Variants in ADGRB3 observed in about 807,000 individuals in gnomAD.
ADGRB3 encodes adhesion G protein-coupled receptor B3.
A neutral mutation model predicts 193.4 loss-of-function variants in ADGRB3; 37 were observed. The ratio of observed to expected loss-of-function variants is 0.19; its 90% CI spans 0.15 to 0.25. The LOEUF is 0.25. Ranked by LOEUF, ADGRB3 falls within the 10% of genes least tolerant of loss-of-function variation. ADGRB3 has a pLI of 1.00. For missense variants in ADGRB3, 1,637 were observed against 1,852.9 expected (o/e 0.88, Z 2.14); for synonymous variants, 690 against 644.2 (o/e 1.07, Z -1.08).
chr6:69,215,598 G>T (rs1049195868), intron 17 of ADGRB3, among the ~76,000 whole-genome samples: 1 of 151,250 alleles, frequency 6.6e-6, no homozygotes, highest in Non-Finnish European at 1.5e-5. Context: ...AACCTTTTTT[G>T]CTTGAATAAA....
chr6:69,384,194 G>A (rs1053521338), intron 31 of ADGRB3, among the ~76,000 whole-genome samples: 1 of 151,916 alleles, frequency 6.6e-6, no homozygotes, highest in Admixed American at 6.6e-5. Context: ...AGAAATATAC[G>A]CTCTAACTCT....
At chr6:69,289,916 TCTTCTCAGAAGTGTGCACAG>T (rs1369800331) in intron 20 of ADGRB3, among the ~76,000 whole-genome samples, 1 of 151,954 alleles carries the variant, frequency 6.6e-6, no homozygotes, top group Non-Finnish European at 1.5e-5. Context: ...GAGAATCACC[TCTTCTCAGAAGTGTGCACAG>T]CCTCTCAGTT....
At chr6:68,684,034 A>G (rs750739626) in intron 3 of ADGRB3, among the ~76,000 whole-genome samples, 1 of 152,200 alleles carries the variant, frequency 6.6e-6, no homozygotes, top group Non-Finnish European at 1.5e-5. Context: ...TTGATATGTT[A>G]TTAAGAAAAA....
chr6:69,207,408 G>GC (rs1158628694), intron 17 of ADGRB3, among the ~76,000 whole-genome samples: 3 of 152,026 alleles, frequency 2.0e-5, no homozygotes, highest in Non-Finnish European at 2.9e-5. Context: ...AATCCAAATA[G>GC]CCCCCCTAGG....
intron 20 of ADGRB3, among the ~76,000 whole-genome samples, chr6:69,286,853 A>G (rs185630957): frequency 1.6e-4 from 24 of 152,332 alleles, no homozygotes; most frequent in Admixed American, 5.9e-4. Context: ...TTAAATTACT[A>G]TATAATTCCA....
intron 30 of ADGRB3, among the ~76,000 whole-genome samples, chr6:69,377,904 G>A (rs1247118446): frequency 6.6e-6 from 1 of 152,080 alleles, no homozygotes; most frequent in East Asian, 1.9e-4. Context: ...TCAGAATGAG[G>A]AGGCAAAGCT....
chr6:68,729,703 T>G (rs2127330723), intron 3 of ADGRB3, among the ~76,000 whole-genome samples: 1 of 151,772 alleles, frequency 6.6e-6, no homozygotes, highest in South Asian at 2.1e-4. Context: ...TTGCAATTAC[T>G]GTTGCTATTA....
chr6:69,041,573 C>A (rs1227525141), intron 13 of ADGRB3, among the ~76,000 whole-genome samples: 6 of 151,998 alleles, frequency 3.9e-5, no homozygotes, highest in African/African-American at 1.5e-4. Flanking sequence ...GTAAAATGAG[C>A]ATCTTGATAA....
chr6:68,853,790 C>T (rs1582256375), intron 3 of ADGRB3, among the ~76,000 whole-genome samples: 1 of 152,046 alleles, frequency 6.6e-6, no homozygotes, highest in South Asian at 2.1e-4. Context: ...ATTGAAATCA[C>T]ATGTCAAATG....
intron 3 of ADGRB3, among the ~76,000 whole-genome samples, chr6:68,902,186 T>C (rs1191652320): frequency 6.6e-6 from 1 of 152,154 alleles, no homozygotes; most frequent in Non-Finnish European, 1.5e-5. Flanking sequence ...TTCACACTGT[T>C]ACTTCTGATT....
chr6:68,920,512 C>CAAAAAAAAAAAAAAAAAAA (rs5877180), intron 3 of ADGRB3, among the ~76,000 whole-genome samples: 1 of 68,916 alleles, frequency 1.5e-5, no homozygotes, highest in African/African-American at 6.2e-5. Context: ...GACTCTGTAT[C>CAAAAAAAAAAAAAAAAAAA]AAAAAAAAAA....
Position 69,035,759 on chromosome 6 carries a change from G to A in ADGRB3, c.2108-12426G>A, listed in dbSNP as rs748977286. Among the ~76,000 whole-genome samples, 3 of 152,166 alleles carry A rather than the reference G, an allele frequency of 2.0e-5. No homozygotes were observed. The South Asian group carries it at 6.2e-4, about 31-fold the overall frequency. On this transcript the variant is annotated intron_variant, in intron 13 of 31. Coordinates refer to ENST00000370598, the MANE Select transcript of ADGRB3 (RefSeq NM_001704.3). Reference sequence around the variant, plus strand: ...GCCTAATGTGTGACAGTCAAGGTGGGCATGAGAAGACAACTTTAAGCTATG... The same window carrying A: ...GCCTAATGTGTGACAGTCAAGGTGGACATGAGAAGACAACTTTAAGCTATG...
At chr6:68,920,745 T>C (rs1767020018) in intron 3 of ADGRB3, among the ~76,000 whole-genome samples, 1 of 151,800 alleles carries the variant, frequency 6.6e-6, no homozygotes, top group African/African-American at 2.4e-5. Flanking sequence ...AAAGAATATA[T>C]TGAACAAAAT....
intron 3 of ADGRB3, among the ~76,000 whole-genome samples, chr6:68,872,846 GTGGC>G (rs1447879110): frequency 2.0e-5 from 3 of 152,076 alleles, no homozygotes; most frequent in Non-Finnish European, 4.4e-5. Context: ...TTCTGTGTCA[GTGGC>G]CCATTTGGAG....
intron 31 of ADGRB3, among the ~76,000 whole-genome samples, chr6:69,386,313 G>A (rs1399768681): frequency 1.3e-5 from 2 of 151,956 alleles, no homozygotes; most frequent in South Asian, 2.1e-4. Flanking sequence ...CCAAGCAAAT[G>A]AACAAATACT....
intron 3 of ADGRB3, among the ~76,000 whole-genome samples, chr6:68,659,865 T>G (rs1271059640): frequency 6.6e-6 from 1 of 151,052 alleles, no homozygotes; most frequent in Non-Finnish European, 1.5e-5. Flanking sequence ...TGATCCTCCA[T>G]GCACACACAA....
chr6:69,266,430 C>T (rs867644379), intron 20 of ADGRB3, among the ~76,000 whole-genome samples: 5 of 151,864 alleles, frequency 3.3e-5, no homozygotes, highest in African/African-American at 1.2e-4. Context: ...AGAAAATACC[C>T]CTTGAGACCT....
chr6:69,206,621 AACATTAACAAT>A (rs1168344228), intron 17 of ADGRB3, among the ~76,000 whole-genome samples: 1 of 152,200 alleles, frequency 6.6e-6, no homozygotes, highest in Admixed American at 6.5e-5. Context: ...ATTATTACCT[AACATTAACAAT>A]ACTTAAATGA....
intron 31 of ADGRB3, among the ~76,000 whole-genome samples, chr6:69,383,905 C>T (rs1309973438): frequency 6.6e-6 from 1 of 151,898 alleles, no homozygotes; most frequent in Non-Finnish European, 1.5e-5. Context: ...TTCTTCTTTT[C>T]CAGACATCAA....
Sources: allele counts gnomAD v4.1 joint callset (sites outside exome capture counted in the v4.1 genomes callset), GRCh38; gene constraint gnomAD v4.1.1; transcripts MANE v1.5; gene names NCBI Gene and HGNC (gene_info 2026-07-23, HGNC 2026-07-21).